Variants in ZNRF1 observed in about 807,000 individuals in gnomAD.
ZNRF1 encodes the protein zinc and ring finger 1.
In ZNRF1, 3 loss-of-function variants were observed where a neutral mutation model predicts 18.4. The observed-to-expected ratio is 0.16, with a 90% CI of 0.07 to 0.42. The LOEUF (loss-of-function observed/expected upper bound fraction) is 0.42. Ranked by LOEUF, ZNRF1 falls within the 10% of genes least tolerant of loss-of-function variation. The pLI is 0.99. For missense variants in ZNRF1, 310 were observed against 329.8 expected (o/e 0.94, Z 0.47); for synonymous variants, 157 against 144.2 (o/e 1.09, Z -0.64).
In ZNRF1 at chr16:75,086,950, G is replaced by A. The variant is rs139015384; in HGVS notation, c.425-6622G>A. On this transcript the variant is annotated intron_variant, in intron 1 of 4. Coordinates refer to ENST00000335325, the MANE Select transcript of ZNRF1 (RefSeq NM_032268.5). ...AATAGCGCATCAGCATGGGGAGGGG[G>A]GCAGAAGGGAGGGCTGGGGAGGGAA... Among the ~76,000 whole-genome samples the A allele has an allele frequency of 1.7e-3, 261 of 152,242 alleles. 1 individual carries two copies. The highest frequency in any genetic ancestry group is 5.5e-3 in the African/African-American group (230 of 41,538).
chr16:75,029,823 T>C (rs1385077802), intron 1 of ZNRF1, among the ~76,000 whole-genome samples: 1 of 151,744 alleles, frequency 6.6e-6, no homozygotes, highest in Admixed American at 6.6e-5. Flanking sequence ...TCACTTGAGG[T>C]CAGGAGTTCG....
At chr16:75,045,602 C>A (rs9922627) in intron 1 of ZNRF1, among the ~76,000 whole-genome samples, 1 of 151,986 alleles carries the variant, frequency 6.6e-6, no homozygotes, top group Non-Finnish European at 1.5e-5. Context: ...CAGGGTCTTG[C>A]TGTGTTGCCC....
chr16:75,070,767 G>A (rs1185807075), intron 1 of ZNRF1, among the ~76,000 whole-genome samples: 2 of 152,022 alleles, frequency 1.3e-5, no homozygotes, highest in African/African-American at 4.8e-5. Flanking sequence ...TAAGTAGATC[G>A]GATCAGATAG....
In ZNRF1 at chr16:75,109,160, C is replaced by T. The variant is rs1430099057; in HGVS notation, c.*1460C>T. On this transcript the variant is annotated 3_prime_UTR_variant, in exon 5 of 5. Coordinates refer to ENST00000335325, the MANE Select transcript of ZNRF1 (RefSeq NM_032268.5). Reference sequence around the variant, plus strand: ...GCTTCATTGAGGCCCAGGAAGAGGCCCTGGTTTGGGGCTGTGCCAGCTCAG... The same window carrying T: ...GCTTCATTGAGGCCCAGGAAGAGGCTCTGGTTTGGGGCTGTGCCAGCTCAG... The T allele has an allele frequency of 6.6e-6, 1 of 152,300 alleles. No homozygotes were observed. The highest frequency in any genetic ancestry group is 6.5e-5 in the Admixed American group (1 of 15,268). The allele number at this position is 152,300 out of a possible 1,614,324, so 9.4% of individuals were successfully genotyped here. A position where few individuals can be genotyped will look rare whatever the true frequency, so the allele number is the denominator to read the frequency against.
chr16:75,010,278 C>T (rs1451408989), intron 1 of ZNRF1, among the ~76,000 whole-genome samples: 2 of 152,126 alleles, frequency 1.3e-5, no homozygotes, highest in African/African-American at 4.8e-5. Context: ...CCACCACACC[C>T]GGCCTGGGTT....
intron 1 of ZNRF1, among the ~76,000 whole-genome samples, chr16:75,044,900 C>G (rs1056932977): frequency 6.6e-6 from 1 of 152,216 alleles, no homozygotes; most frequent in Admixed American, 6.5e-5. Context: ...GTATGGTGCT[C>G]TGTCACCCAT....
intron 1 of ZNRF1, chr16:75,000,311 G>T (rs2034827824): frequency 1.3e-6 from 1 of 748,842 alleles, no homozygotes; most frequent in South Asian, 1.5e-5. Flanking sequence ...CTCACGGCGT[G>T]TGTTCACTTG....
rs369055979 is a variant in ZNRF1, at chr16:75,012,737, G to A, written c.424+12642G>A. 1.3e-4 allele frequency among the ~76,000 whole-genome samples: 20 copies of A among 152,242 alleles called. 2 individuals are homozygous for A. The highest frequency in any genetic ancestry group is 1.2e-3 in the South Asian group (6 of 4,820). On this transcript the variant is annotated intron_variant, in intron 1 of 4. Transcript: ENST00000335325. ...TCAACTTCATTATTTACAGTTTCTC[G>A]GGACTCATGTCTGAACCACTATCTT... is the stretch of plus-strand genomic sequence containing the variant.
chr16:75,013,789 CTT>C (rs907196529), intron 1 of ZNRF1, among the ~76,000 whole-genome samples: 9 of 152,106 alleles, frequency 5.9e-5, no homozygotes, highest in Admixed American at 2.0e-4. Context: ...AATGGGAACT[CTT>C]TGGTGTCTTG....
chr16:75,082,059 G>T (rs553425985), intron 1 of ZNRF1, among the ~76,000 whole-genome samples: 1 of 152,186 alleles, frequency 6.6e-6, no homozygotes, highest in African/African-American at 2.4e-5. Flanking sequence ...CTTTTTTTTG[G>T]TAGAGATGGG....
At chr16:75,069,918 G>A (rs1226986077) in intron 1 of ZNRF1, among the ~76,000 whole-genome samples, 1 of 152,080 alleles carries the variant, frequency 6.6e-6, no homozygotes, top group African/African-American at 2.4e-5. Context: ...TAGAGTTCAT[G>A]TCTCCACAAA....
intron 1 of ZNRF1, among the ~76,000 whole-genome samples, chr16:75,045,860 C>T (rs1005248739): frequency 6.6e-6 from 1 of 151,766 alleles, no homozygotes; most frequent in Non-Finnish European, 1.5e-5. Context: ...GCACTACAGG[C>T]CACTGTGTCC....
At chr16:75,059,014 G>A (rs1406783129) in intron 1 of ZNRF1, among the ~76,000 whole-genome samples, 2 of 152,076 alleles carry the variant, frequency 1.3e-5, no homozygotes, top group Non-Finnish European at 2.9e-5. Context: ...CCAGCTGTGT[G>A]AGCATCTGGG....
chr16:75,042,828 G>C (rs1475170084), intron 1 of ZNRF1, among the ~76,000 whole-genome samples: 1 of 152,136 alleles, frequency 6.6e-6, no homozygotes, highest in Non-Finnish European at 1.5e-5. Context: ...CTCTCACAGA[G>C]GGCCTGAAAT....
At chr16:75,094,452 G>A (rs956802434) in intron 2 of ZNRF1, among the ~76,000 whole-genome samples, 3 of 152,230 alleles carry the variant, frequency 2.0e-5, no homozygotes, top group Admixed American at 1.3e-4. Flanking sequence ...GAGTCCAGGT[G>A]ATGGGAGTTC....
At chr16:75,092,079 G>A (rs111611742) in intron 1 of ZNRF1, among the ~76,000 whole-genome samples, 10 of 152,158 alleles carry the variant, frequency 6.6e-5, no homozygotes, top group African/African-American at 2.4e-4. Context: ...GCAGGAGACT[G>A]TTTGAGCCCA....
At chr16:75,049,027 G>A (rs1360391891) in intron 1 of ZNRF1, among the ~76,000 whole-genome samples, 1 of 148,512 alleles carries the variant, frequency 6.7e-6, no homozygotes, top group Non-Finnish European at 1.5e-5. Context: ...TTTTGAGATG[G>A]AGTCTCTCAC....
intron 4 of ZNRF1, chr16:75,107,488 T>G (rs1235415373): frequency 3.0e-6 from 1 of 329,598 alleles, no homozygotes; most frequent in Non-Finnish European, 6.0e-6. Context: ...CAGGGACATT[T>G]GCTCTTTTTA....
intron 1 of ZNRF1, among the ~76,000 whole-genome samples, chr16:75,046,170 C>T (rs2035512868): frequency 6.6e-6 from 1 of 151,446 alleles, no homozygotes; most frequent in Non-Finnish European, 1.5e-5. Flanking sequence ...TCCCAAAGTG[C>T]TGGTATTATT....
Sources: gnomAD v4.1 joint callset for allele counts (sites outside exome capture counted in the v4.1 genomes callset) on GRCh38, gnomAD v4.1.1 for gene constraint, MANE v1.5 for transcripts, NCBI Gene and HGNC (gene_info 2026-07-23, HGNC 2026-07-21) for gene names.